FGF14: variants seen among roughly 807,000 people sequenced by gnomAD.
The protein encoded by FGF14 is fibroblast growth factor 14, also known as fibroblast growth factor homologous factor 4.
In FGF14, 5 loss-of-function variants were observed where a neutral mutation model predicts 25.5. The observed-to-expected ratio is 0.20, with a 90% CI of 0.10 to 0.41. The LOEUF (loss-of-function observed/expected upper bound fraction) is 0.41, where lower values mean the gene tolerates loss of function less well. FGF14 is among the 10% of genes least tolerant of loss of function. The probability of loss-of-function intolerance (pLI) is 1.00; values close to 1 mark genes in which losing one functional copy is unlikely to be tolerated. For synonymous variants in FGF14, 138 were observed against 118.3 expected, an observed-to-expected ratio of 1.17 and a Z score of -1.08; for missense variants, 222 against 320.1, an observed-to-expected ratio of 0.69 and a Z score of 2.34.
intron 1 of FGF14, among the ~76,000 whole-genome samples, chr13:102,017,960 C>T (rs73563676): frequency 0.032 from 4,868 of 152,016 alleles, 250 homozygotes; most frequent in African/African-American, 0.11. Context: ...TTCAAATTTC[C>T]AATCTCCTTT....
chr13:102,361,668 A>T (rs1163248236), intron 1 of FGF14, among the ~76,000 whole-genome samples: 1 of 152,094 alleles, frequency 6.6e-6, no homozygotes, highest in Non-Finnish European at 1.5e-5. Context: ...TTCAGCTATG[A>T]ATTCATGTGG....
intron 1 of FGF14, among the ~76,000 whole-genome samples, chr13:102,131,281 G>T (rs2046185806): frequency 6.6e-6 from 1 of 152,196 alleles, no homozygotes; most frequent in African/African-American, 2.4e-5. Context: ...TCCATCATGT[G>T]ACCAGCTGTC....
intron 3 of FGF14, 180 bp downstream of exon 3, chr13:101,868,545 T>C (rs907444777): frequency 1.6e-6 from 1 of 624,170 alleles, no homozygotes; most frequent in Non-Finnish European, 2.9e-6. Context: ...TTCCTTTAGA[T>C]AAACTCATAT....
rs757210660 is a variant in FGF14, at chr13:101,875,229, G to A, written c.261C>T (p.Pro87=). 74 of 1,613,416 alleles carry A rather than the reference G, an allele frequency of 4.6e-5. 1 individual carries two copies. In the East Asian group the frequency reaches 9.6e-4, roughly 21 times the overall value. Residue 87 remains proline, a synonymous_variant, in exon 2 of 5, where the codon CCC becomes CCT. Transcript: ENST00000376143. ...CRQGYYLQMH[P]DGALDGTKDD... Reference sequence around the variant, plus strand: ...CCTTGGTTCCATCGAGAGCTCCATCGGGGTGCATTTGCAAGTAGTAGCCTT... The same window carrying A: ...CCTTGGTTCCATCGAGAGCTCCATCAGGGTGCATTTGCAAGTAGTAGCCTT...
chr13:102,127,434 G>T (rs1482881749), intron 1 of FGF14, among the ~76,000 whole-genome samples: 1 of 152,120 alleles, frequency 6.6e-6, no homozygotes, highest in Non-Finnish European at 1.5e-5. Context: ...CCACTAAGTT[G>T]TAACGCAAGG....
chr13:102,109,589 A>C (rs529014728), intron 1 of FGF14, among the ~76,000 whole-genome samples: 1 of 152,186 alleles, frequency 6.6e-6, no homozygotes, highest in East Asian at 1.9e-4. Flanking sequence ...TTTTAGCAGG[A>C]ACTTTAAGAA....
At chr13:102,164,082 C>G (rs548582602) in intron 1 of FGF14, among the ~76,000 whole-genome samples, 1 of 152,246 alleles carries the variant, frequency 6.6e-6, no homozygotes, top group Non-Finnish European at 1.5e-5. Context: ...TGTAATGTCA[C>G]TTACAGGTAG....
chr13:102,218,584 T>C (rs941409871), intron 1 of FGF14, among the ~76,000 whole-genome samples: 1 of 151,176 alleles, frequency 6.6e-6, no homozygotes, highest in African/African-American at 2.4e-5. Context: ...AATGATGGGG[T>C]TCCCATCATT....
chr13:101,850,501 TA>T (rs1251816643), intron 3 of FGF14, among the ~76,000 whole-genome samples: 1 of 7,480 alleles, frequency 1.3e-4, no homozygotes, highest in Non-Finnish European at 2.5e-4. Context: ...TATATATATA[TA>T]TATATATATA....
chr13:102,327,587 C>T (rs745451639), intron 1 of FGF14, among the ~76,000 whole-genome samples: 4 of 152,188 alleles, frequency 2.6e-5, no homozygotes, highest in Non-Finnish European at 5.9e-5. Context: ...ATAATTCCAG[C>T]ACTTTGGGAT....
chr13:102,205,984 TAAAAAAAAAAAAAAAAAAAAAAAA>T (rs36108366), intron 1 of FGF14, among the ~76,000 whole-genome samples: 590 of 47,400 alleles, frequency 0.012, 22 homozygotes, highest in Non-Finnish European at 0.019. Flanking sequence ...CTCCCTGTGG[TAAAAAAAAAAAAAAAAAAAAAAAA>T]AAAAAAAAAA....
intron 3 of FGF14, among the ~76,000 whole-genome samples, chr13:101,820,806 A>AC (rs1262447164): frequency 1.2e-5 from 1 of 83,922 alleles, no homozygotes; most frequent in East Asian, 4.0e-4. Context: ...ACACACACAC[A>AC]ACACACACAC....
intron 3 of FGF14, among the ~76,000 whole-genome samples, chr13:101,794,746 G>A (rs1232421248): frequency 1.3e-5 from 2 of 152,080 alleles, no homozygotes; most frequent in Non-Finnish European, 2.9e-5. Context: ...ATACAATTAT[G>A]AAATGGAAAA....
chr13:102,360,310 T>G (rs556490005), intron 1 of FGF14, among the ~76,000 whole-genome samples: 53 of 152,168 alleles, frequency 3.5e-4, no homozygotes, highest in Non-Finnish European at 6.3e-4. Flanking sequence ...TCTACATATT[T>G]GAAAATTAGC....
intron 3 of FGF14, among the ~76,000 whole-genome samples, chr13:101,741,649 A>G (rs1037127147): frequency 4.0e-5 from 6 of 151,628 alleles, no homozygotes; most frequent in Admixed American, 2.6e-4. Context: ...AAAAAAAAAA[A>G]AGAATTCCAT....
intron 2 of FGF14, among the ~76,000 whole-genome samples, chr13:101,871,828 G>T (rs2045106664): frequency 6.6e-6 from 1 of 151,922 alleles, no homozygotes; most frequent in African/African-American, 2.4e-5. Flanking sequence ...CATTATTATG[G>T]TAGTCAATAA....
rs530478936 is a variant in FGF14, at chr13:101,811,031, C to T, written c.408+57694G>A. Reference sequence around the variant, plus strand: ...CATCCTGCTCCAAAACACACATATCCGCCCCCCCCGGCCCCCGCATTATCG... The same window carrying T: ...CATCCTGCTCCAAAACACACATATCTGCCCCCCCCGGCCCCCGCATTATCG... On this transcript the variant is annotated intron_variant, in intron 3 of 4. Transcript: ENST00000376143. 1.0e-3 allele frequency among the ~76,000 whole-genome samples: 64 copies of T among 63,704 alleles called. 2 individuals are homozygous for T. Among genetic ancestry groups the T allele is most frequent in the African/African-American group, 2.2e-3 (57 of 25,768 alleles). 41.8% of individuals were successfully genotyped at this position (63,704 alleles called of 152,430 possible).
intron 1 of FGF14, among the ~76,000 whole-genome samples, chr13:102,196,663 C>A (rs1012862296): frequency 1.3e-5 from 2 of 152,142 alleles, no homozygotes; most frequent in Admixed American, 1.3e-4. Context: ...AAATTCATCA[C>A]CTCACATATA....
chr13:101,817,982 C>G (rs2140219959), intron 3 of FGF14, among the ~76,000 whole-genome samples: 1 of 152,282 alleles, frequency 6.6e-6, no homozygotes, highest in East Asian at 1.9e-4. Flanking sequence ...TCTCATTTTT[C>G]TTCACTCTCT....
Sources: gnomAD v4.1 joint callset for allele counts (sites outside exome capture counted in the v4.1 genomes callset) on GRCh38, gnomAD v4.1.1 for gene constraint, MANE v1.5 for transcripts, NCBI Gene and HGNC (gene_info 2026-07-23, HGNC 2026-07-21) for gene names.